PTPRM: variants seen among roughly 807,000 people sequenced by gnomAD.
The protein encoded by PTPRM is protein tyrosine phosphatase receptor type M, also known as receptor-type tyrosine-protein phosphatase mu.
Under a neutral mutation model 186.7 loss-of-function variants are expected in PTPRM, and 47 were observed. The observed-to-expected ratio is 0.25, with a 90% CI of 0.20 to 0.32. PTPRM has a LOEUF of 0.32. PTPRM is among the 10% of genes least tolerant of loss of function. PTPRM has a pLI of 1.00. For missense variants in PTPRM, 1,494 were observed against 1,865.0 expected (o/e 0.80, Z 3.66); for synonymous variants, 668 against 674.9 (o/e 0.99, Z 0.16).
intron 14 of PTPRM, among the ~76,000 whole-genome samples, chr18:8,192,127 T>C (rs959746134): frequency 3.3e-5 from 5 of 152,100 alleles, no homozygotes; most frequent in African/African-American, 9.6e-5. Flanking sequence ...GAATCTAAGT[T>C]ATCACTGTAA....
intron 19 of PTPRM, among the ~76,000 whole-genome samples, chr18:8,270,968 T>A (rs2094764948): frequency 6.6e-6 from 1 of 152,110 alleles, no homozygotes. Flanking sequence ...TATTACATAC[T>A]TGAAATTTGC....
chr18:7,746,636 T>C (rs947146323), intron 1 of PTPRM, among the ~76,000 whole-genome samples: 2 of 152,008 alleles, frequency 1.3e-5, no homozygotes, highest in African/African-American at 4.8e-5. Context: ...TGGCTAATTT[T>C]TGTATTTTTA....
chr18:8,340,136 A>G (rs898488927), intron 22 of PTPRM, among the ~76,000 whole-genome samples: 38 of 152,348 alleles, frequency 2.5e-4, no homozygotes, highest in Non-Finnish European at 4.4e-4. Flanking sequence ...CGTGTGGCAG[A>G]AGGAACGGCC....
Position 7,613,501 on chromosome 18 carries a change from G to C in PTPRM, c.73+45610G>C, listed in dbSNP as rs200090481. ...CATCCTGGCCAAAATGCTGAAACCT[G>C]ATCTCTACTAAAAATACAAAAATTA... On this transcript the variant is annotated intron_variant, in intron 1 of 32. Coordinates refer to ENST00000580170, the MANE Select transcript of PTPRM (RefSeq NM_001105244.2). 3.9e-5 allele frequency among the ~76,000 whole-genome samples: 6 copies of C among 152,124 alleles called. No individual in the cohort carries two copies. In the East Asian group the frequency reaches 1.2e-3, roughly 30 times the overall value.
Position 8,211,690 on chromosome 18 carries a change from A to C in PTPRM, c.2301-32368A>C, listed in dbSNP as rs561276105. Among the ~76,000 whole-genome samples the C allele has an allele frequency of 5.9e-5, 9 of 152,258 alleles. No homozygotes were observed. The South Asian group carries it at 1.9e-3, about 32-fold the overall frequency. ...AGTGCTGGGATTACAGGCGTGAGCC[A>C]CCGTGCCCAGCCAGGTCTCTTCTGA... is the stretch of plus-strand genomic sequence containing the variant. On this transcript the variant is annotated intron_variant, in intron 14 of 32. Transcript: ENST00000580170.
At chr18:7,751,946 G>A (rs1160005475) in intron 1 of PTPRM, among the ~76,000 whole-genome samples, 2 of 152,202 alleles carry the variant, frequency 1.3e-5, no homozygotes, top group Admixed American at 1.3e-4. Flanking sequence ...CCAATGTGAA[G>A]TGCAAGTTTG....
intron 19 of PTPRM, among the ~76,000 whole-genome samples, chr18:8,262,023 TC>T (rs1234655652): frequency 4.7e-5 from 2 of 43,006 alleles, no homozygotes; most frequent in Non-Finnish European, 1.0e-4. Context: ...CTGGTACTGG[TC>T]CTCCTGCTTT....
At chr18:8,211,224 G>T (rs902016978) in intron 14 of PTPRM, among the ~76,000 whole-genome samples, 3 of 152,082 alleles carry the variant, frequency 2.0e-5, no homozygotes, top group Non-Finnish European at 4.4e-5. Context: ...GGAATAGAGA[G>T]AATTGCTAGG....
intron 1 of PTPRM, among the ~76,000 whole-genome samples, chr18:7,738,961 T>A (rs1344592853): frequency 6.6e-6 from 1 of 151,424 alleles, no homozygotes; most frequent in Admixed American, 6.6e-5. Flanking sequence ...GTGACCATGA[T>A]TTTTTTTTGG....
At chr18:7,679,982 C>T (rs1171624411) in intron 1 of PTPRM, among the ~76,000 whole-genome samples, 1 of 152,144 alleles carries the variant, frequency 6.6e-6, no homozygotes, top group African/African-American at 2.4e-5. Flanking sequence ...CCTCCCACCT[C>T]AGTCTCCCAA....
At chr18:8,380,207 C>A in intron 28 of PTPRM, 89 bp from the exon 29 acceptor site, 1 of 1,429,450 alleles carries the variant, frequency 7.0e-7, no homozygotes, top group Non-Finnish European at 9.7e-7. Flanking sequence ...GTGTTTTGTG[C>A]CACAAGCTTC....
chr18:7,948,720 C>T lies in PTPRM; in HGVS notation c.664-461C>T, dbSNP rs188087892. Among the ~76,000 whole-genome samples the T allele has an allele frequency of 2.8e-4, 43 of 152,264 alleles. No individual in the cohort carries two copies. The East Asian group carries it at 7.3e-3, about 26-fold the overall frequency. On this transcript the variant is annotated intron_variant, in intron 5 of 32. Coordinates refer to ENST00000580170, the MANE Select transcript of PTPRM (RefSeq NM_001105244.2). ...TGTTCAATAGGGAGTACTCTAAAAC[C>T]TAACTTATAGTTGAATGTTATTCTT...
At chr18:8,181,193 A>G (rs981217801) in intron 14 of PTPRM, among the ~76,000 whole-genome samples, 2 of 152,232 alleles carry the variant, frequency 1.3e-5, no homozygotes, top group African/African-American at 2.4e-5. Flanking sequence ...TTTGAAAGCT[A>G]TGTCAGATGT....
intron 2 of PTPRM, among the ~76,000 whole-genome samples, chr18:7,830,418 T>TA (rs2045700316): frequency 6.6e-6 from 1 of 152,352 alleles, no homozygotes; most frequent in East Asian, 1.9e-4. Flanking sequence ...AATGCATTGT[T>TA]AGTCAATTCC....
At chr18:8,392,703 C>T (rs1297062212) in intron 31 of PTPRM, among the ~76,000 whole-genome samples, 1 of 151,946 alleles carries the variant, frequency 6.6e-6, no homozygotes, top group Non-Finnish European at 1.5e-5. Flanking sequence ...CGGGATGAGC[C>T]TGGACCATTA....
At chr18:7,605,885 G>A (rs1013043224) in intron 1 of PTPRM, among the ~76,000 whole-genome samples, 4 of 152,168 alleles carry the variant, frequency 2.6e-5, no homozygotes, top group Non-Finnish European at 5.9e-5. Flanking sequence ...GGTGATATGT[G>A]GGGCCTGGTT....
Position 8,131,693 on chromosome 18 carries a change from G to A in PTPRM, c.2168-11954G>A, listed in dbSNP as rs185686775. Among the ~76,000 whole-genome samples the A allele has an allele frequency of 7.9e-5, 12 of 152,302 alleles. No individual in the cohort carries two copies. The East Asian group carries it at 2.1e-3, about 27-fold the overall frequency. ...ATTATATGGATTATAGATATCTTAT[G>A]TAATAACCTTTTCAGACACTAAGTA... On this transcript the variant is annotated intron_variant, in intron 13 of 32. Coordinates refer to ENST00000580170, the MANE Select transcript of PTPRM (RefSeq NM_001105244.2).
At chr18:8,375,258 C>G (rs976372869) in intron 24 of PTPRM, among the ~76,000 whole-genome samples, 1 of 152,188 alleles carries the variant, frequency 6.6e-6, no homozygotes, top group African/African-American at 2.4e-5. Flanking sequence ...GCCTAGAATT[C>G]CAGCAAAAAT....
chr18:7,832,733 A>T (rs1040872196), intron 2 of PTPRM, among the ~76,000 whole-genome samples: 15 of 152,088 alleles, frequency 9.9e-5, no homozygotes, highest in African/African-American at 3.6e-4. Context: ...GTTTTATTGT[A>T]GTAGTTCTAT....
Sources: gnomAD v4.1 joint callset for allele counts (sites outside exome capture counted in the v4.1 genomes callset) on GRCh38, gnomAD v4.1.1 for gene constraint, MANE v1.5 for transcripts, NCBI Gene and HGNC (gene_info 2026-07-23, HGNC 2026-07-21) for gene names.